DNAH14: variants seen among roughly 807,000 people sequenced by gnomAD.
The protein encoded by DNAH14 is dynein axonemal heavy chain 14.
DNAH14 carries 478 observed loss-of-function variants against 520.9 expected under a neutral mutation model. That is an observed-to-expected ratio of 0.92 (90% CI 0.85 to 0.99). The LOEUF (loss-of-function observed/expected upper bound fraction) is 0.99, where lower values mean the gene tolerates loss of function less well. DNAH14 is among the 50% of genes least tolerant of loss of function. DNAH14 has a pLI of 0.00. For synonymous variants in DNAH14, 1,581 were observed against 1,757.2 expected (o/e 0.90, Z 2.51); for missense variants, 4,831 against 5,234.5 (o/e 0.92, Z 2.38).
chr1:225,089,939 T>C (rs1004554735), intron 21 of DNAH14, among the ~76,000 whole-genome samples: 1 of 152,160 alleles, frequency 6.6e-6, no homozygotes, highest in Non-Finnish European at 1.5e-5. Flanking sequence ...ATTCTACATT[T>C]TACTGGAGTT....
At chr1:225,325,438 T>C (rs531966254) in intron 64 of DNAH14, among the ~76,000 whole-genome samples, 2 of 151,716 alleles carry the variant, frequency 1.3e-5, no homozygotes, top group South Asian at 2.1e-4. Flanking sequence ...TGTGCCGAGA[T>C]TGAACCATTA....
intron 23 of DNAH14, among the ~76,000 whole-genome samples, chr1:225,103,876 C>G (rs1055114796): frequency 5.3e-5 from 8 of 152,166 alleles, no homozygotes; most frequent in African/African-American, 1.9e-4. Context: ...ATTGAATACC[C>G]TTTATTTCCT....
intron 53 of DNAH14, among the ~76,000 whole-genome samples, chr1:225,276,979 A>AAGGAAGGG (rs1222233995): frequency 8.1e-5 from 4 of 49,316 alleles, no homozygotes; most frequent in African/African-American, 2.7e-4. Flanking sequence ...GGAAGGAAGG[A>AAGGAAGGG]AGGAAGGGAG....
At chr1:225,089,055 C>T (rs1266940234) in intron 21 of DNAH14, among the ~76,000 whole-genome samples, 1 of 151,848 alleles carries the variant, frequency 6.6e-6, no homozygotes, top group African/African-American at 2.4e-5. Flanking sequence ...ACCAGTTATG[C>T]ACCAACTTTT....
rs2095929600 is a variant in DNAH14, at chr1:225,392,400, G to A, written c.13440G>A (p.Lys4480=). The A allele has an allele frequency of 1.3e-6, 2 of 1,551,978 alleles. No individual in the cohort carries two copies. Among genetic ancestry groups the A allele is most frequent in the African/African-American group, 1.4e-5 (1 of 73,066 alleles). ...VISNTTDKDE[K]FSVFMPKKLN... is the part of the protein sequence containing the mutation. ...CCAACACCACTGACAAGGATGAGAA[G>A]TTCTCCGTATTTATGCCAAAGAAAC... The change falls in exon 84 of 86, where the codon AAG becomes AAA. Residue 4480 remains lysine, a synonymous_variant. Coordinates refer to ENST00000682510, the MANE Select transcript of DNAH14 (RefSeq NM_001367479.1).
At chr1:225,374,314 T>C (rs2095668192) in intron 77 of DNAH14, among the ~76,000 whole-genome samples, 1 of 145,538 alleles carries the variant, frequency 6.9e-6, no homozygotes, top group South Asian at 2.2e-4. Context: ...CAGGCTGGAG[T>C]ACAGCGGCCT....
Position 225,080,367 on chromosome 1 carries a change from C to T in DNAH14, c.2767-12C>T, listed in dbSNP as rs1389135654. ...CTGATTTCTCTTAGAAAGTCCTACTCTTATTTTTTAGATAAGAACTCCTCT... is the reference window on the plus strand; with the variant it reads ...CTGATTTCTCTTAGAAAGTCCTACTTTTATTTTTTAGATAAGAACTCCTCT... On this transcript the variant is annotated splice_polypyrimidine_tract_variant and intron_variant, in intron 18 of 85. Transcript: ENST00000682510. 11 of 1,507,866 alleles carry T rather than the reference C, an allele frequency of 7.3e-6. No individual in the cohort carries two copies. The highest frequency in any genetic ancestry group is 2.7e-5 in the South Asian group (2 of 74,506). 93.4% of individuals were successfully genotyped at this position (1,507,866 alleles called of 1,614,324 possible).
At chr1:225,389,361 T>C (rs12028429) in intron 82 of DNAH14, among the ~76,000 whole-genome samples, 85,654 of 152,150 alleles carry the variant, frequency 0.56, 26,287 homozygotes, top group East Asian at 0.77. Context: ...GCCAGGCTGC[T>C]TCCTATACCA....
intron 43 of DNAH14, among the ~76,000 whole-genome samples, chr1:225,251,420 C>A (rs1465132647): frequency 6.6e-6 from 1 of 152,058 alleles, no homozygotes; most frequent in East Asian, 1.9e-4. Context: ...GTGATCTGCC[C>A]ACCTTGGCCT....
In DNAH14 at chr1:225,148,887, T is replaced by C. The variant is rs191658201; in HGVS notation, c.4940+1638T>C. ...AGTTTGCAAAAATTTTCTTCCGTTC[T>C]GTGGGTTGTCTGTTTACTCTGTTGA... On this transcript the variant is annotated intron_variant, in intron 31 of 85. Coordinates refer to ENST00000682510, the MANE Select transcript of DNAH14 (RefSeq NM_001367479.1). 3.7e-3 allele frequency among the ~76,000 whole-genome samples: 570 copies of C among 152,322 alleles called. 1 individual carries two copies. The highest frequency in any genetic ancestry group is 0.017 in the Middle Eastern group (5 of 294).
chr1:225,007,378 T>C lies in DNAH14; in HGVS notation c.976-35T>C, dbSNP rs1302049011. 6 of 1,422,868 alleles carry C rather than the reference T, an allele frequency of 4.2e-6. No individual in the cohort carries two copies. In the South Asian group the frequency reaches 7.8e-5, roughly 18 times the overall value. The allele number at this position is 1,422,868 out of a possible 1,614,324, so 88.1% of individuals were successfully genotyped here. ...ATCTTTTTTAAATATGAATTTTGAC[T>C]TTCTAACACTGAACATTTACTATCA... On this transcript the variant is annotated intron_variant, in intron 9 of 85. Coordinates refer to ENST00000682510, the MANE Select transcript of DNAH14 (RefSeq NM_001367479.1).
chr1:225,043,452 G>A lies in DNAH14; in HGVS notation c.1769-292G>A, dbSNP rs536396550. ...AAACTTACAGATCATTGTTGTGCAT[G>A]TCAGTAATGACACCATTATTCATTT... On this transcript the variant is annotated intron_variant, in intron 13 of 85. Transcript: ENST00000682510. 5.9e-5 allele frequency among the ~76,000 whole-genome samples: 9 copies of A among 152,240 alleles called. No homozygotes were observed. The South Asian group carries it at 1.9e-3, about 32-fold the overall frequency.
rs550460310 is a variant in DNAH14, at chr1:225,097,667, G to A, written c.3695+428G>A. Among the ~76,000 whole-genome samples, 6 of 151,970 alleles carry A rather than the reference G, an allele frequency of 3.9e-5. No individual in the cohort carries two copies. The East Asian group carries it at 5.8e-4, about 15-fold the overall frequency. ...TGGGCATCTGCAATCCCAGCTACTC[G>A]GGAGGCTGAGGCAGGAGAATCACTT... On this transcript the variant is annotated intron_variant, in intron 22 of 85. Transcript: ENST00000682510.
chr1:225,275,021 T>C (rs2149865027), intron 52 of DNAH14, among the ~76,000 whole-genome samples: 1 of 152,374 alleles, frequency 6.6e-6, no homozygotes, highest in Non-Finnish European at 1.5e-5. Flanking sequence ...GTTATTATCC[T>C]GATTTTACAG....
At chr1:225,142,115 A>G (rs1559087338) in intron 28 of DNAH14, among the ~76,000 whole-genome samples, 1 of 152,204 alleles carries the variant, frequency 6.6e-6, no homozygotes, top group Non-Finnish European at 1.5e-5. Context: ...CAAAGAGGAT[A>G]TATTGTATTA....
At chr1:225,089,478 A>G (rs1159762608) in intron 21 of DNAH14, among the ~76,000 whole-genome samples, 2 of 149,354 alleles carry the variant, frequency 1.3e-5, no homozygotes, top group African/African-American at 2.5e-5. Context: ...GAGCGAGAGA[A>G]AGAAAAGAAA....
chr1:225,272,140 C>A, intron 51 of DNAH14, 67 bp downstream of exon 51: 1 of 1,396,992 alleles, frequency 7.2e-7, no homozygotes, highest in Non-Finnish European at 9.7e-7. Context: ...ATACTGTCAA[C>A]ATTAGATTGT....
At chr1:225,082,026 T>C (rs1453066891) in intron 19 of DNAH14, among the ~76,000 whole-genome samples, 2 of 152,024 alleles carry the variant, frequency 1.3e-5, no homozygotes, top group Admixed American at 6.6e-5. Flanking sequence ...ATCACAGCAC[T>C]TGGGGAGGCT....
intron 1 of DNAH14, among the ~76,000 whole-genome samples, chr1:224,933,857 T>TTCA (rs2058854714): frequency 6.6e-6 from 1 of 152,082 alleles, no homozygotes; most frequent in South Asian, 2.1e-4. Context: ...TGCGTCTATG[T>TTCA]TCATGAGGGA....
Sources: allele counts gnomAD v4.1 joint callset (sites outside exome capture counted in the v4.1 genomes callset), GRCh38; gene constraint gnomAD v4.1.1; transcripts MANE v1.5; gene names NCBI Gene and HGNC (gene_info 2026-07-23, HGNC 2026-07-21).